MX1: variants seen among roughly 807,000 people sequenced by gnomAD.
MX1 encodes interferon-induced GTP-binding protein Mx1.
In MX1, 66 loss-of-function variants were observed where a neutral mutation model predicts 66.4. That is an observed-to-expected ratio of 0.99 (90% CI 0.82 to 1.22). The LOEUF (loss-of-function observed/expected upper bound fraction) is 1.22. MX1 is among the 50% of genes most tolerant of loss of function. The pLI, the probability that MX1 is intolerant of heterozygous loss-of-function variation, is 0.00. For synonymous variants in MX1, 311 were observed against 318.1 expected, an observed-to-expected ratio of 0.98 and a Z score of 0.24; for missense variants, 787 against 834.3, an observed-to-expected ratio of 0.94 and a Z score of 0.70.
rs2090504816 is a variant in MX1, at chr21:41,441,279, C to T, written c.730+254C>T. 2.0e-6 allele frequency: 1 copy of T among 492,542 alleles called. No homozygotes were observed. The highest frequency in any genetic ancestry group is 3.7e-5 in the Admixed American group (1 of 26,958). 30.5% of individuals were successfully genotyped at this position (492,542 alleles called of 1,614,324 possible). On this transcript the variant is annotated intron_variant, in intron 9 of 16. Transcript: ENST00000398598. This position sits in a 1 kb window ranked among gnomAD's most constrained non-coding sequence, Gnocchi z 4.0. The stretch of plus-strand genomic sequence containing the variant: ...GAGCAGGTTTGGTGCCCACCAAGGC[C>T]AAGTGAAATGAGCTGCTTTTGACTC...
chr21:41,423,192 GAC>G (rs1568960099), upstream of MX1: 1 of 153,052 alleles, frequency 6.5e-6, no homozygotes, highest in Non-Finnish European at 1.5e-5. Context: ...GAGCACAGCG[GAC>G]ACACTGCCGG....
rs2090797562 is a variant in MX1 at position 41,450,670 on chromosome 21, G to A, written c.1433-497G>A. Among the ~76,000 whole-genome samples the A allele has an allele frequency of 2.0e-5, 3 of 152,120 alleles. No individual in the cohort carries two copies. The South Asian group carries it at 6.2e-4, about 32-fold the overall frequency. On this transcript the variant is annotated intron_variant, in intron 14 of 16. Coordinates refer to ENST00000398598, the MANE Select transcript of MX1 (RefSeq NM_002462.5). ...TGTATGACATGGAGATCAATAAGAG[G>A]TTTTCAATCATAAAGATACTATACC...
chr21:41,441,238 C>A lies in MX1; in HGVS notation c.730+213C>A. The A allele has an allele frequency of 1.6e-6, 1 of 626,198 alleles. No homozygotes were observed. Among genetic ancestry groups the A allele is most frequent in the Non-Finnish European group, 2.6e-6 (1 of 379,998 alleles). 38.8% of individuals were successfully genotyped at this position (626,198 alleles called of 1,614,324 possible). A position where few individuals can be genotyped will look rare whatever the true frequency, so the allele number is the denominator to read the frequency against. ...TTTGCTCAGTGGGGACCTGCCTCCACTAAGACCTGCTAAGGGAGCAGGTTT... is the reference window on the plus strand; with the variant it reads ...TTTGCTCAGTGGGGACCTGCCTCCAATAAGACCTGCTAAGGGAGCAGGTTT... On this transcript the variant is annotated intron_variant, in intron 9 of 16. Coordinates refer to ENST00000398598, the MANE Select transcript of MX1 (RefSeq NM_002462.5). The surrounding 1 kb of genome is among the most constrained non-coding windows in gnomAD (Gnocchi z 4.0).
intron 13 of MX1, among the ~76,000 whole-genome samples, chr21:41,448,436 G>A (rs569214669): frequency 1.3e-5 from 2 of 152,332 alleles, no homozygotes; most frequent in Non-Finnish European, 2.9e-5. Flanking sequence ...TTGAGGGCAA[G>A]GAGTGTATTA....
rs566598494 is a variant in MX1 at position 41,438,896 on chromosome 21, C to T, written c.437-798C>T. ...TGGGTGTGGCCTCTGTTTCCAAGGC[C>T]CCCCCGTGACTTAGTCAGCAAGTCC... is the stretch of plus-strand genomic sequence containing the variant. On this transcript the variant is annotated intron_variant, in intron 7 of 16. Transcript: ENST00000398598. Among the ~76,000 whole-genome samples the T allele has an allele frequency of 7.2e-4, 109 of 152,178 alleles. 2 individuals are homozygous for T. In the South Asian group the frequency reaches 0.022, roughly 31 times the overall value.
At chr21:41,446,828 A>G (rs1449406505) in intron 13 of MX1, among the ~76,000 whole-genome samples, 1 of 152,206 alleles carries the variant, frequency 6.6e-6, no homozygotes, top group African/African-American at 2.4e-5. Context: ...TTTTTAGGGG[A>G]CACCAACATG....
chr21:41,447,076 T>TG (rs1445580921), intron 13 of MX1, among the ~76,000 whole-genome samples: 1 of 152,138 alleles, frequency 6.6e-6, no homozygotes, highest in Non-Finnish European at 1.5e-5. Context: ...ACCACAGACT[T>TG]GGGGGGGCTT....
chr21:41,426,765 T>C (rs2090072003), intron 1 of MX1: 1 of 152,202 alleles, frequency 6.6e-6, no homozygotes, highest in Non-Finnish European at 1.5e-5. Context: ...TTCAAGGAGT[T>C]CTCGCCGATC....
chr21:41,441,966 C>A lies in MX1; in HGVS notation c.929+52C>A. On this transcript the variant is annotated intron_variant, in intron 10 of 16. Coordinates refer to ENST00000398598, the MANE Select transcript of MX1 (RefSeq NM_002462.5). This position sits in a 1 kb window ranked among gnomAD's most constrained non-coding sequence, Gnocchi z 4.0. ...ATCAGTCCAAGCCCAGGATGTCAGG[C>A]CTTCCAGGGGACAGTGGCAGCCGTC... 6.3e-7 allele frequency: 1 copy of A among 1,592,370 alleles called. No homozygotes were observed. The highest frequency in any genetic ancestry group is 8.6e-7 in the Non-Finnish European group (1 of 1,161,064).
At chr21:41,426,698 T>G (rs1795160342) in intron 1 of MX1, 1 of 152,228 alleles carries the variant, frequency 6.6e-6, no homozygotes, top group Admixed American at 6.5e-5. Context: ...TTCTATTTCC[T>G]GGGAACGCGC....
intron 16 of MX1, among the ~76,000 whole-genome samples, chr21:41,456,439 T>C (rs944092839): frequency 2.0e-5 from 3 of 152,164 alleles, no homozygotes; most frequent in Non-Finnish European, 4.4e-5. Flanking sequence ...AATTTCTTCT[T>C]TTTAGGGAAA....
intron 13 of MX1, 104 bp from the exon 14 acceptor site, chr21:41,449,033 C>G (rs2090750803): frequency 9.9e-7 from 1 of 1,014,360 alleles, no homozygotes; most frequent in Non-Finnish European, 1.4e-6. Flanking sequence ...ACCACTTTTT[C>G]TTGCCATTTA....
In MX1 at chr21:41,439,686, T is replaced by C; in HGVS notation, c.437-8T>C. On this transcript the variant is annotated splice_region_variant and splice_polypyrimidine_tract_variant and intron_variant, in intron 7 of 16. Transcript: ENST00000398598. ...GTTTGGGTTTGATTTTCCCTGTCTCTTTTCTAGCCCAGAATGCCATCGCCG... is the reference window on the plus strand; with the variant it reads ...GTTTGGGTTTGATTTTCCCTGTCTCCTTTCTAGCCCAGAATGCCATCGCCG... The C allele has an allele frequency of 6.2e-7, 1 of 1,612,760 alleles. No homozygotes were observed. The highest frequency in any genetic ancestry group is 1.1e-5 in the South Asian group (1 of 91,016).
At chr21:41,448,663 G>A (rs928336331) in intron 13 of MX1, among the ~76,000 whole-genome samples, 42 of 152,028 alleles carry the variant, frequency 2.8e-4, no homozygotes, top group Non-Finnish European at 4.9e-4. Flanking sequence ...AAAATTAGCC[G>A]GGCGTGGTGG....
intron 12 of MX1, 36 bp downstream of exon 12, chr21:41,445,606 C>A: frequency 6.2e-7 from 1 of 1,612,808 alleles, no homozygotes; most frequent in Non-Finnish European, 8.5e-7. Context: ...TGGAGAAGCA[C>A]ATGTCATGGT....
chr21:41,433,974 A>G (rs150172193), intron 5 of MX1, among the ~76,000 whole-genome samples: 5 of 152,348 alleles, frequency 3.3e-5, no homozygotes, highest in African/African-American at 9.6e-5. Context: ...GGCCAGGTCT[A>G]GAGACATCTT....
intron 2 of MX1, among the ~76,000 whole-genome samples, chr21:41,427,523 A>AT (rs1020631666): frequency 1.5e-4 from 21 of 137,922 alleles, no homozygotes; most frequent in Middle Eastern, 3.5e-3. Context: ...TTAAAAGCTT[A>AT]TAAAAAAAGA....
chr21:41,423,875 A>C (rs552759969), upstream of MX1, among the ~76,000 whole-genome samples: 24 of 152,334 alleles, frequency 1.6e-4, no homozygotes, highest in South Asian at 3.9e-3. Flanking sequence ...CATTGCACCA[A>C]CTGGGAGTGA....
At chr21:41,422,329 C>T (rs148648736), upstream of MX1, among the ~76,000 whole-genome samples, 42 of 152,286 alleles carry the variant, frequency 2.8e-4, 1 homozygote, top group East Asian at 3.7e-3. Flanking sequence ...ATGTCTAAAA[C>T]GGGGAGGCAT....
Sources: gnomAD v4.1 joint callset for allele counts (sites outside exome capture counted in the v4.1 genomes callset) on GRCh38, gnomAD v4.1.1 for gene constraint, Gnocchi (gnomAD v3.1) non-coding constraint, MANE v1.5 for transcripts, NCBI Gene and HGNC (gene_info 2026-07-23, HGNC 2026-07-21) for gene names.